Variants in GALNTL6 observed in about 807,000 individuals in gnomAD.
The protein encoded by GALNTL6 is polypeptide N-acetylgalactosaminyltransferase like 6, also known as polypeptide N-acetylgalactosaminyltransferase-like 6.
In GALNTL6, 46 loss-of-function variants were observed where a neutral mutation model predicts 73.7. That is an observed-to-expected ratio of 0.62 (90% CI 0.49 to 0.80). The LOEUF (loss-of-function observed/expected upper bound fraction) is 0.80. Among genes scored for constraint, GALNTL6 ranks in the 30% least tolerant of loss-of-function variants. The pLI is 0.00. For synonymous variants in GALNTL6, 259 were observed against 263.7 expected, an observed-to-expected ratio of 0.98 and a Z score of 0.17; for missense variants, 604 against 755.0, an observed-to-expected ratio of 0.80 and a Z score of 2.34.
At chr4:172,532,976 T>C (rs1195249798) in intron 5 of GALNTL6, among the ~76,000 whole-genome samples, 1 of 152,004 alleles carries the variant, frequency 6.6e-6, no homozygotes, top group Admixed American at 6.6e-5. Flanking sequence ...CTGAAATGAA[T>C]TGAATATCAC....
At chr4:171,867,563 C>T (rs1346131976) in intron 2 of GALNTL6, among the ~76,000 whole-genome samples, 1 of 152,188 alleles carries the variant, frequency 6.6e-6, no homozygotes, top group Non-Finnish European at 1.5e-5. Flanking sequence ...AATCAGACCA[C>T]TGTTGGCTTT....
At chr4:172,513,025 G>T (rs532355934) in intron 5 of GALNTL6, among the ~76,000 whole-genome samples, 1 of 152,166 alleles carries the variant, frequency 6.6e-6, no homozygotes, top group Non-Finnish European at 1.5e-5. Context: ...AATTTATTGA[G>T]GGAATTAGTC....
chr4:172,888,736 C>A (rs1311266444), intron 8 of GALNTL6, among the ~76,000 whole-genome samples: 1 of 152,114 alleles, frequency 6.6e-6, no homozygotes, highest in Non-Finnish European at 1.5e-5. Flanking sequence ...CCTTGGCTAT[C>A]TGGGCTCTTT....
intron 2 of GALNTL6, among the ~76,000 whole-genome samples, chr4:171,865,989 C>T (rs1735960820): frequency 6.6e-6 from 1 of 152,052 alleles, no homozygotes; most frequent in Non-Finnish European, 1.5e-5. Flanking sequence ...GAAGAGTTGG[C>T]ATAATTCTCT....
chr4:172,156,514 T>C, intron 2 of GALNTL6, among the ~76,000 whole-genome samples: 1 of 140,112 alleles, frequency 7.1e-6, no homozygotes, highest in African/African-American at 2.7e-5. Context: ...AGGCAGATAT[T>C]TGACTTTAAA....
At chr4:172,068,895 C>A (rs1731431004) in intron 2 of GALNTL6, among the ~76,000 whole-genome samples, 1 of 109,672 alleles carries the variant, frequency 9.1e-6, no homozygotes, top group African/African-American at 3.4e-5. Flanking sequence ...TTTTAGCAGG[C>A]TTTGTAAGCA....
chr4:172,521,467 A>G (rs1159236541), intron 5 of GALNTL6, among the ~76,000 whole-genome samples: 1 of 152,154 alleles, frequency 6.6e-6, no homozygotes, highest in East Asian at 1.9e-4. Flanking sequence ...CATATTTTAT[A>G]TGGGCTTTCC....
chr4:172,485,913 T>C (rs1017519913), intron 5 of GALNTL6, among the ~76,000 whole-genome samples: 6 of 152,204 alleles, frequency 3.9e-5, no homozygotes, highest in African/African-American at 1.4e-4. Context: ...ATGTCTGTTT[T>C]GCACCAACGG....
At chr4:172,556,128 A>G (rs1332254391) in intron 5 of GALNTL6, among the ~76,000 whole-genome samples, 5 of 152,146 alleles carry the variant, frequency 3.3e-5, no homozygotes, top group Admixed American at 1.3e-4. Context: ...TCCATCTTCC[A>G]TTCCATTTCT....
chr4:172,492,707 C>G lies in GALNTL6; in HGVS notation c.553+144018C>G, dbSNP rs549566994. On this transcript the variant is annotated intron_variant, in intron 5 of 12. Coordinates refer to ENST00000506823, the MANE Select transcript of GALNTL6 (RefSeq NM_001034845.3). ...CTTAACTGGCCTATGATTCAGTTTC[C>G]CTAATTCTAAAATGGAGATGGTAAT... is the stretch of plus-strand genomic sequence containing the variant. Among the ~76,000 whole-genome samples, 41 of 152,130 alleles carry G rather than the reference C, an allele frequency of 2.7e-4. No homozygotes were observed. The South Asian group carries it at 3.7e-3, about 14-fold the overall frequency.
At chr4:172,713,702 G>T (rs1276466205) in intron 5 of GALNTL6, among the ~76,000 whole-genome samples, 1 of 152,112 alleles carries the variant, frequency 6.6e-6, no homozygotes, top group Non-Finnish European at 1.5e-5. Flanking sequence ...CAGGGAGTCT[G>T]CCTATGCCCA....
intron 2 of GALNTL6, among the ~76,000 whole-genome samples, chr4:172,208,466 A>T (rs149924265): frequency 5.3e-5 from 8 of 152,282 alleles, no homozygotes; most frequent in African/African-American, 1.7e-4. Context: ...ACTAAATCAG[A>T]CATATCTGAG....
chr4:172,524,418 T>G (rs1393722550), intron 5 of GALNTL6, among the ~76,000 whole-genome samples: 1 of 151,870 alleles, frequency 6.6e-6, no homozygotes, highest in Admixed American at 6.6e-5. Flanking sequence ...CCGGCTAATG[T>G]TTTTGTATTT....
At chr4:172,584,458 A>C (rs569733223) in intron 5 of GALNTL6, among the ~76,000 whole-genome samples, 2 of 152,212 alleles carry the variant, frequency 1.3e-5, no homozygotes, top group African/African-American at 4.8e-5. Context: ...GTCAGGTGAC[A>C]TTGATTGGAA....
chr4:172,749,346 C>T (rs116460169), intron 5 of GALNTL6, among the ~76,000 whole-genome samples: 71 of 152,154 alleles, frequency 4.7e-4, no homozygotes, highest in Non-Finnish European at 8.4e-4. Flanking sequence ...ACCATGTGAA[C>T]TTTGTTGCAT....
intron 5 of GALNTL6, among the ~76,000 whole-genome samples, chr4:172,634,569 G>T (rs969238767): frequency 6.6e-6 from 1 of 151,986 alleles, no homozygotes; most frequent in Non-Finnish European, 1.5e-5. Flanking sequence ...TCTCTGACAT[G>T]CAAGAATGAA....
At chr4:171,911,189 T>C (rs1333041614) in intron 2 of GALNTL6, among the ~76,000 whole-genome samples, 1 of 152,142 alleles carries the variant, frequency 6.6e-6, no homozygotes, top group Non-Finnish European at 1.5e-5. Context: ...AGACAGAGTC[T>C]CACTCTGTCA....
intron 5 of GALNTL6, among the ~76,000 whole-genome samples, chr4:172,639,650 C>G (rs1560850815): frequency 6.6e-6 from 1 of 152,054 alleles, no homozygotes; most frequent in Non-Finnish European, 1.5e-5. Flanking sequence ...TCCTCCAGCT[C>G]CCTGTACCTC....
chr4:172,101,171 C>G (rs973030257), intron 2 of GALNTL6, among the ~76,000 whole-genome samples: 4 of 152,108 alleles, frequency 2.6e-5, no homozygotes, highest in African/African-American at 9.7e-5. Context: ...ACACTCTTCC[C>G]ACTTCTAATC....
Sources: allele counts gnomAD v4.1 joint callset (sites outside exome capture counted in the v4.1 genomes callset), GRCh38; gene constraint gnomAD v4.1.1; transcripts MANE v1.5; gene names NCBI Gene and HGNC (gene_info 2026-07-23, HGNC 2026-07-21).